Variants in CDH18 observed in about 807,000 individuals in gnomAD.
CDH18 encodes cadherin-18.
CDH18 carries 31 observed loss-of-function variants against 67.9 expected under a neutral mutation model. That is an observed-to-expected ratio of 0.46 (90% confidence interval 0.34 to 0.62). The LOEUF is 0.62. CDH18 is among the 20% of genes least tolerant of loss of function. The pLI is 0.01. For synonymous variants in CDH18, 362 were observed against 347.2 expected, an observed-to-expected ratio of 1.04 and a Z score of -0.48; for missense variants, 890 against 975.5, an observed-to-expected ratio of 0.91 and a Z score of 1.17.
At chr5:19,799,985 A>G (rs1777283787) in intron 3 of CDH18, among the ~76,000 whole-genome samples, 1 of 152,204 alleles carries the variant, frequency 6.6e-6, no homozygotes, top group Non-Finnish European at 1.5e-5. Context: ...AAATTATTAA[A>G]AGGATTTAAA....
intron 2 of CDH18, among the ~76,000 whole-genome samples, chr5:19,865,924 G>T (rs1041265869): frequency 6.6e-6 from 1 of 152,092 alleles, no homozygotes; most frequent in Admixed American, 6.6e-5. Context: ...GTATTGTCTA[G>T]ACCTGATTCA....
At chr5:20,103,783 T>C (rs1425461552) in intron 2 of CDH18, among the ~76,000 whole-genome samples, 1 of 136,020 alleles carries the variant, frequency 7.4e-6, no homozygotes, top group Admixed American at 8.1e-5. Context: ...TAGAATTTAT[T>C]AATGGAGCTA....
chr5:19,986,234 G>T (rs1485669326), intron 1 of CDH18, among the ~76,000 whole-genome samples: 1 of 152,208 alleles, frequency 6.6e-6, no homozygotes, highest in East Asian at 1.9e-4. Context: ...ATTGCACAAT[G>T]TATGGACTTC....
chr5:19,903,566 T>TATATATA (rs61210220), intron 2 of CDH18, among the ~76,000 whole-genome samples: 3 of 139,656 alleles, frequency 2.1e-5, no homozygotes, highest in South Asian at 2.3e-4. Flanking sequence ...TATATATATA[T>TATATATA]TTGTTGAGCC....
In CDH18 at chr5:20,172,230, A is replaced by ATATATGTATATATATATACG. The variant is rs1233845934; in HGVS notation, c.-518+83213_-518+83214insCGTATATATATATACATATA. 6.0e-3 allele frequency among the ~76,000 whole-genome samples: 580 copies of ATATATGTATATATATATACG among 96,664 alleles called. 40 individuals are homozygous for ATATATGTATATATATATACG. The highest frequency in any genetic ancestry group is 0.014 in the African/African-American group (358 of 25,706). The allele number at this position is 96,664 out of a possible 152,430, so 63.4% of individuals were successfully genotyped here. Reference sequence around the variant, plus strand: ...TATATATATATATATATATGTATATATATATATATGTATATATATATATAT... The same window carrying ATATATGTATATATATATACG: ...TATATATATATATATATATGTATATATATATGTATATATATATACGTATATATATGTATATATATATATAT... On this transcript the variant is annotated intron_variant, in intron 2 of 14. Transcript: ENST00000507958.
At chr5:19,787,062 G>T (rs953175650) in intron 3 of CDH18, among the ~76,000 whole-genome samples, 1 of 152,142 alleles carries the variant, frequency 6.6e-6, no homozygotes, top group African/African-American at 2.4e-5. Flanking sequence ...GGAAATGCCC[G>T]CTGAGAAGGT....
intron 10 of CDH18, among the ~76,000 whole-genome samples, chr5:19,505,943 A>G (rs900585261): frequency 1.3e-5 from 2 of 152,070 alleles, no homozygotes; most frequent in Admixed American, 6.6e-5. Flanking sequence ...GAATCCATCT[A>G]GTCCTGGACT....
chr5:19,931,502 A>T (rs1365480748), intron 2 of CDH18, among the ~76,000 whole-genome samples: 1 of 151,924 alleles, frequency 6.6e-6, no homozygotes, highest in African/African-American at 2.4e-5. Flanking sequence ...ACTACCTAAT[A>T]AAAATTTTTC....
intron 1 of CDH18, among the ~76,000 whole-genome samples, chr5:20,288,382 A>C (rs2126725090): frequency 6.6e-6 from 1 of 151,878 alleles, no homozygotes; most frequent in African/African-American, 2.4e-5. Context: ...TTTCAGAGTA[A>C]GAAATGTGAC....
intron 1 of CDH18, among the ~76,000 whole-genome samples, chr5:20,413,469 A>T (rs1410156661): frequency 6.6e-6 from 1 of 152,112 alleles, no homozygotes; most frequent in African/African-American, 2.4e-5. Flanking sequence ...CCTCTCCAGC[A>T]CCTGTTGTTT....
chr5:19,981,777 T>C (rs1008515119), intron 1 of CDH18, among the ~76,000 whole-genome samples: 1 of 152,168 alleles, frequency 6.6e-6, no homozygotes, highest in Non-Finnish European at 1.5e-5. Context: ...TTGCACTTGC[T>C]TTTCACTCTC....
At chr5:20,215,794 A>G (rs770507122) in intron 2 of CDH18, among the ~76,000 whole-genome samples, 7 of 152,006 alleles carry the variant, frequency 4.6e-5, no homozygotes, top group Non-Finnish European at 8.8e-5. Context: ...CTGTGCATTC[A>G]TTAGAAAAGA....
intron 11 of CDH18, chr5:19,502,610 A>T (rs1297455925): frequency 2.5e-6 from 1 of 392,254 alleles, no homozygotes. Context: ...AGATGATTGC[A>T]AGCATTGCAT....
chr5:19,781,885 CT>C (rs1775157181), intron 3 of CDH18, among the ~76,000 whole-genome samples: 1 of 152,050 alleles, frequency 6.6e-6, no homozygotes, highest in Admixed American at 6.6e-5. Context: ...CAAAGGCATC[CT>C]TAATTAACAT....
chr5:20,337,635 T>C (rs1739896958), intron 1 of CDH18, among the ~76,000 whole-genome samples: 1 of 152,208 alleles, frequency 6.6e-6, no homozygotes, highest in Non-Finnish European at 1.5e-5. Flanking sequence ...TCAGCATTTT[T>C]GTCAAAGCCA....
At chr5:20,466,019 A>G (rs1751610790) in intron 1 of CDH18, among the ~76,000 whole-genome samples, 1 of 152,016 alleles carries the variant, frequency 6.6e-6, no homozygotes, top group Non-Finnish European at 1.5e-5. Flanking sequence ...ACATCTGCTA[A>G]TACAGAGGTA....
chr5:19,505,720 C>G (rs1744026301), intron 10 of CDH18, among the ~76,000 whole-genome samples: 1 of 152,010 alleles, frequency 6.6e-6, no homozygotes, highest in African/African-American at 2.4e-5. Flanking sequence ...TTCGGTTTGC[C>G]AGTATTTTAT....
chr5:20,083,814 A>G (rs1295379560), intron 2 of CDH18, among the ~76,000 whole-genome samples: 1 of 152,086 alleles, frequency 6.6e-6, no homozygotes, highest in African/African-American at 2.4e-5. Context: ...TATTTTTAAA[A>G]CCATCAGATC....
At chr5:20,140,780 C>T (rs1750183974) in intron 2 of CDH18, among the ~76,000 whole-genome samples, 1 of 152,072 alleles carries the variant, frequency 6.6e-6, no homozygotes, top group African/African-American at 2.4e-5. Context: ...CATCTCAGAG[C>T]TAAATCTGGA....
Sources: gnomAD v4.1 joint callset for allele counts (sites outside exome capture counted in the v4.1 genomes callset) on GRCh38, gnomAD v4.1.1 for gene constraint, MANE v1.5 for transcripts, NCBI Gene and HGNC (gene_info 2026-07-23, HGNC 2026-07-21) for gene names.